EPB41L4A: variants seen among roughly 807,000 people sequenced by gnomAD.
EPB41L4A encodes the protein erythrocyte membrane protein band 4.1 like 4A.
In EPB41L4A, 100 loss-of-function variants were observed where a neutral mutation model predicts 108.6. That is an observed-to-expected ratio of 0.92 (90% CI 0.78 to 1.09). The LOEUF (loss-of-function observed/expected upper bound fraction) is 1.09. EPB41L4A is among the 50% of genes least tolerant of loss of function. EPB41L4A has a pLI of 0.00. For synonymous variants in EPB41L4A, 319 were observed against 289.0 expected, an observed-to-expected ratio of 1.10 and a Z score of -1.05; for missense variants, 1,030 against 842.7, an observed-to-expected ratio of 1.22 and a Z score of -2.75.
chr5:112,258,501 TTAAA>T (rs1751266403), intron 9 of EPB41L4A, among the ~76,000 whole-genome samples: 1 of 152,238 alleles, frequency 6.6e-6, no homozygotes, highest in South Asian at 2.1e-4. Context: ...TAAATATGGA[TTAAA>T]CATCTTATTT....
At chr5:112,326,845 A>T (rs1330418483) in intron 1 of EPB41L4A, among the ~76,000 whole-genome samples, 1 of 152,196 alleles carries the variant, frequency 6.6e-6, no homozygotes, top group African/African-American at 2.4e-5. Context: ...AAATCTTCAT[A>T]GGCAGCAGAG....
chr5:112,197,901 A>T (rs1762037578), intron 15 of EPB41L4A, among the ~76,000 whole-genome samples: 1 of 152,174 alleles, frequency 6.6e-6, no homozygotes, highest in Non-Finnish European at 1.5e-5. Flanking sequence ...AAATTTCTGA[A>T]AATGTCTTTA....
intron 2 of EPB41L4A, among the ~76,000 whole-genome samples, chr5:112,285,622 G>A (rs540673796): frequency 1.3e-5 from 2 of 152,126 alleles, no homozygotes; most frequent in African/African-American, 4.8e-5. Context: ...CTACAGGGAG[G>A]GAGAGATAAT....
Position 112,164,679 on chromosome 5 carries a change from A to G in EPB41L4A, c.*311T>C, listed in dbSNP as rs1403397002. The G allele has an allele frequency of 1.2e-5, 2 of 171,718 alleles. No homozygotes were observed. Among genetic ancestry groups the G allele is most frequent in the Non-Finnish European group, 2.5e-5 (2 of 81,258 alleles). The allele number at this position is 171,718 out of a possible 1,614,324, so 10.6% of individuals were successfully genotyped here. Reference sequence around the variant, plus strand: ...AAGCCCTGTCTCTACTAAAAATACAAAAAGAATTAGCCGGGTGTTGTGGTG... The same window carrying G: ...AAGCCCTGTCTCTACTAAAAATACAGAAAGAATTAGCCGGGTGTTGTGGTG... On this transcript the variant is annotated 3_prime_UTR_variant, in exon 23 of 23. Transcript: ENST00000261486.
chr5:112,311,292 T>C (rs184681747), intron 1 of EPB41L4A, among the ~76,000 whole-genome samples: 2 of 152,084 alleles, frequency 1.3e-5, no homozygotes, highest in African/African-American at 2.4e-5. Flanking sequence ...GTATAGAAAA[T>C]TGGATCCAAC....
chr5:112,204,877 T>C (rs1256626590), intron 14 of EPB41L4A, among the ~76,000 whole-genome samples: 1 of 152,100 alleles, frequency 6.6e-6, no homozygotes, highest in African/African-American at 2.4e-5. Context: ...ATTAAACCTA[T>C]TAAACAGAAA....
At chr5:112,310,387 T>C (rs1754970935) in intron 1 of EPB41L4A, among the ~76,000 whole-genome samples, 1 of 152,228 alleles carries the variant, frequency 6.6e-6, no homozygotes, top group African/African-American at 2.4e-5. Context: ...TTTCTTCTTT[T>C]CTTACTGCAT....
At chr5:112,279,968 C>A (rs1291866814) in intron 3 of EPB41L4A, among the ~76,000 whole-genome samples, 1 of 130,704 alleles carries the variant, frequency 7.7e-6, no homozygotes, top group African/African-American at 3.2e-5. Context: ...TGTCTATTTG[C>A]CTTTTTTGTT....
chr5:112,195,516 CTG>C (rs773848779), intron 16 of EPB41L4A, 143 bp downstream of exon 16: 27 of 689,436 alleles, frequency 3.9e-5, no homozygotes, highest in Non-Finnish European at 5.3e-5. Flanking sequence ...GAATGGAAGA[CTG>C]GGAATCAGCT....
chr5:112,317,688 T>C (rs1382055107), intron 1 of EPB41L4A, among the ~76,000 whole-genome samples: 3 of 152,246 alleles, frequency 2.0e-5, no homozygotes, highest in African/African-American at 7.2e-5. Context: ...ATCCAGCTAC[T>C]TTCTGTTAAG....
At chr5:112,268,205 A>G (rs1421364723) in intron 4 of EPB41L4A, among the ~76,000 whole-genome samples, 1 of 152,136 alleles carries the variant, frequency 6.6e-6, no homozygotes, top group African/African-American at 2.4e-5. Flanking sequence ...AACACAGTGA[A>G]ACTCTTTCTC....
chr5:112,340,628 T>C (rs549089232), intron 1 of EPB41L4A, among the ~76,000 whole-genome samples: 25 of 152,338 alleles, frequency 1.6e-4, no homozygotes, highest in African/African-American at 5.8e-4. Context: ...CATCAATTTT[T>C]AAATGGATGT....
At chr5:112,220,278 T>C (rs1580459287) in intron 12 of EPB41L4A, among the ~76,000 whole-genome samples, 1 of 152,232 alleles carries the variant, frequency 6.6e-6, no homozygotes, top group Non-Finnish European at 1.5e-5. Context: ...CTGAATGTTC[T>C]ATCAAGTGAC....
chr5:112,266,876 G>A (rs900245854), intron 4 of EPB41L4A, among the ~76,000 whole-genome samples: 27 of 152,018 alleles, frequency 1.8e-4, no homozygotes, highest in African/African-American at 5.3e-4. Context: ...AACACTACAC[G>A]GTAACTCATT....
chr5:112,183,887 G>T, intron 18 of EPB41L4A, 129 bp downstream of exon 18: 1 of 1,169,128 alleles, frequency 8.6e-7, no homozygotes, highest in Non-Finnish European at 1.2e-6. Flanking sequence ...ACAAATATTA[G>T]AAGGTAAATA....
At chr5:112,391,485 T>C (rs1561636026) in intron 1 of EPB41L4A, among the ~76,000 whole-genome samples, 1 of 152,140 alleles carries the variant, frequency 6.6e-6, no homozygotes, top group African/African-American at 2.4e-5. Context: ...GTATCAATGA[T>C]GGAAGATCAA....
At chr5:112,363,149 G>A (rs1462389385) in intron 1 of EPB41L4A, among the ~76,000 whole-genome samples, 1 of 152,060 alleles carries the variant, frequency 6.6e-6, no homozygotes, top group Non-Finnish European at 1.5e-5. Context: ...GACATTCAGG[G>A]GCTAAACCCT....
intron 4 of EPB41L4A, 46 bp downstream of exon 4, chr5:112,275,280 T>C: frequency 6.7e-7 from 1 of 1,500,168 alleles, no homozygotes; most frequent in African/African-American, 1.4e-5. Context: ...AAGCTTTTTG[T>C]ATATGCAATG....
At chr5:112,214,337 G>A (rs186072063) in intron 12 of EPB41L4A, among the ~76,000 whole-genome samples, 18 of 152,316 alleles carry the variant, frequency 1.2e-4, no homozygotes, top group African/African-American at 3.6e-4. Context: ...AATATTTGGA[G>A]GTTAGATAAA....
Sources: allele counts gnomAD v4.1 joint callset (sites outside exome capture counted in the v4.1 genomes callset), GRCh38; gene constraint gnomAD v4.1.1; transcripts MANE v1.5; gene names NCBI Gene and HGNC (gene_info 2026-07-23, HGNC 2026-07-21).